COPS7B: variants seen among roughly 807,000 people sequenced by gnomAD.
COPS7B encodes the protein COP9 signalosome subunit 7B.
In COPS7B, 9 loss-of-function variants were observed where a neutral mutation model predicts 33.4. The ratio of observed to expected loss-of-function variants is 0.27; its 90% CI spans 0.16 to 0.47. The LOEUF is 0.47. Among genes scored for constraint, COPS7B ranks in the 20% least tolerant of loss-of-function variants. The pLI is 0.99. For synonymous variants in COPS7B, 119 were observed against 126.3 expected (o/e 0.94, Z 0.39); for missense variants, 242 against 318.2 (o/e 0.76, Z 1.82).
Position 231,788,838 on chromosome 2 carries a change from A to G in COPS7B, c.162+106A>G, listed in dbSNP as rs1013099559. ...GTATTGTGAACCTGTGAGGTACCCT[A>G]TTGTGAGACAGATGGGAATTGGTGG... On this transcript the variant is annotated intron_variant, in intron 2 of 6. Coordinates refer to ENST00000350033, the MANE Select transcript of COPS7B (RefSeq NM_022730.4). 3.3e-5 allele frequency: 33 copies of G among 1,012,076 alleles called. No homozygotes were observed. The African/African-American group carries it at 4.2e-4, about 13-fold the overall frequency. 62.7% of individuals were successfully genotyped at this position (1,012,076 alleles called of 1,614,324 possible).
At chr2:231,789,921 G>T (rs1173567933) in intron 2 of COPS7B, 14 of 152,170 alleles carry the variant, frequency 9.2e-5, no homozygotes, top group Non-Finnish European at 1.6e-4. Flanking sequence ...GATGTTCAGA[G>T]ATGAGAAGAG....
chr2:231,782,901 C>G (rs992463102), upstream of COPS7B, among the ~76,000 whole-genome samples: 3 of 152,150 alleles, frequency 2.0e-5, no homozygotes, highest in Admixed American at 6.5e-5. Flanking sequence ...CCTGTCGCCA[C>G]TACCCAAATC....
chr2:231,795,457 G>T (rs1456643182), intron 4 of COPS7B, among the ~76,000 whole-genome samples: 5 of 152,092 alleles, frequency 3.3e-5, no homozygotes, highest in South Asian at 2.1e-4. Flanking sequence ...CAGGTGGGAG[G>T]CCTATTTTGT....
chr2:231,793,906 T>A (rs549423832), intron 3 of COPS7B: 1 of 174,174 alleles, frequency 5.7e-6, no homozygotes, highest in Admixed American at 6.1e-5. Flanking sequence ...ATCTTGTTCA[T>A]CCTTGATTCT....
chr2:231,798,993 C>T (rs1430046566), intron 6 of COPS7B, 29 bp downstream of exon 6: 1 of 1,569,996 alleles, frequency 6.4e-7, no homozygotes, highest in Non-Finnish European at 8.8e-7. Flanking sequence ...ATTTGTTTCT[C>T]TCTCCAGGCA....
chr2:231,789,111 A>G (rs1337569772), intron 2 of COPS7B: 1 of 189,142 alleles, frequency 5.3e-6, no homozygotes, highest in African/African-American at 2.4e-5. Flanking sequence ...GACACACAGC[A>G]GAAACATACT....
At chr2:231,785,701 C>T (rs1464370418), upstream of COPS7B, among the ~76,000 whole-genome samples, 3 of 152,134 alleles carry the variant, frequency 2.0e-5, no homozygotes, top group Admixed American at 1.3e-4. Flanking sequence ...GGCTGTTTTT[C>T]TCTCTCATTT....
At chr2:231,799,964 A>G (rs1251793044) in intron 6 of COPS7B, among the ~76,000 whole-genome samples, 8 of 152,172 alleles carry the variant, frequency 5.3e-5, no homozygotes, top group Non-Finnish European at 1.0e-4. Flanking sequence ...CATAGTAGGT[A>G]CTCAAATGTT....
intron 3 of COPS7B, chr2:231,793,426 G>C (rs1452155960): frequency 1.3e-5 from 2 of 152,358 alleles, no homozygotes; most frequent in Non-Finnish European, 2.9e-5. Flanking sequence ...AGGACACTTG[G>C]AGTCTTGCGG....
At chr2:231,802,930 C>T (rs1395251334) in intron 6 of COPS7B, among the ~76,000 whole-genome samples, 1 of 152,256 alleles carries the variant, frequency 6.6e-6, no homozygotes, top group Non-Finnish European at 1.5e-5. Flanking sequence ...TGGCCCTGCC[C>T]CAGCCCAGGC....
At chr2:231,792,913 G>C (rs1211531840) in intron 3 of COPS7B, among the ~76,000 whole-genome samples, 1 of 152,038 alleles carries the variant, frequency 6.6e-6, no homozygotes, top group African/African-American at 2.4e-5. Context: ...CTTCTACTTT[G>C]TGCTGCTGTC....
At chr2:231,795,657 T>C (rs76995883) in intron 4 of COPS7B, among the ~76,000 whole-genome samples, 9,976 of 152,284 alleles carry the variant, frequency 0.066, 985 homozygotes, top group African/African-American at 0.21. Context: ...TAGGTAGATA[T>C]GCTGGCCTGC....
chr2:231,792,810 C>G (rs1409523758), intron 3 of COPS7B, among the ~76,000 whole-genome samples: 1 of 152,036 alleles, frequency 6.6e-6, no homozygotes, highest in East Asian at 1.9e-4. Flanking sequence ...GCATTTTTTT[C>G]TGGCTTTCCT....
chr2:231,788,327 G>C (rs1184701635), intron 1 of COPS7B, among the ~76,000 whole-genome samples: 2 of 152,040 alleles, frequency 1.3e-5, no homozygotes, highest in Non-Finnish European at 2.9e-5. Flanking sequence ...GTAGAGATGG[G>C]GTTTTGCCAT....
chr2:231,807,255 C>A (rs899826792), intron 6 of COPS7B, among the ~76,000 whole-genome samples: 2 of 152,132 alleles, frequency 1.3e-5, no homozygotes, highest in Non-Finnish European at 2.9e-5. Context: ...CAAATGTTCC[C>A]CTTCCATTTG....
Position 231,807,915 on chromosome 2 carries a change from TTCTTG to T in COPS7B, c.*274_*278del, listed in dbSNP as rs2049942850. 2 of 353,152 alleles carry T rather than the reference TTCTTG, an allele frequency of 5.7e-6. No homozygotes were observed. Among genetic ancestry groups the T allele is most frequent in the Admixed American group, 9.0e-5 (2 of 22,168 alleles). The allele number at this position is 353,152 out of a possible 1,614,324, so 21.9% of individuals were successfully genotyped here. On this transcript the variant is annotated 3_prime_UTR_variant, in exon 7 of 7. Coordinates refer to ENST00000350033, the MANE Select transcript of COPS7B (RefSeq NM_022730.4). ...CACTGCCCAGCTTCCCTCCAGGAGG[TTCTTG>T]TCTCTGTGTAAGGGCTTGTCTCCCT...
At chr2:231,800,208 T>C (rs2106336242) in intron 6 of COPS7B, among the ~76,000 whole-genome samples, 1 of 152,332 alleles carries the variant, frequency 6.6e-6, no homozygotes, top group African/African-American at 2.4e-5. Context: ...GGAGGAAGTA[T>C]TGCGTGAGTC....
At chr2:231,806,133 G>C (rs1341110555) in intron 6 of COPS7B, among the ~76,000 whole-genome samples, 1 of 152,000 alleles carries the variant, frequency 6.6e-6, no homozygotes, top group African/African-American at 2.4e-5. Flanking sequence ...TCTCCTCCAG[G>C]AACCCAATTT....
At chr2:231,786,379 G>A, upstream of COPS7B, 2 of 925,420 alleles carry the variant, frequency 2.2e-6, no homozygotes, top group Non-Finnish European at 2.6e-6. Flanking sequence ...CGGAACGCGA[G>A]TGCAGCGGTG....
Sources: gnomAD v4.1 joint callset for allele counts (sites outside exome capture counted in the v4.1 genomes callset) on GRCh38, gnomAD v4.1.1 for gene constraint, MANE v1.5 for transcripts, NCBI Gene and HGNC (gene_info 2026-07-23, HGNC 2026-07-21) for gene names.